The following SLCO3A1 variants were observed in gnomAD, a reference collection of about 807,000 sequenced individuals.
SLCO3A1 encodes the protein PGE1 transporter.
SLCO3A1 carries 27 observed loss-of-function variants against 63.1 expected under a neutral mutation model. The observed-to-expected ratio is 0.43, with a 90% CI of 0.32 to 0.59. The LOEUF is 0.59. SLCO3A1 is among the 20% of genes least tolerant of loss of function. The pLI is 0.09. For missense variants in SLCO3A1, 773 were observed against 945.8 expected, an observed-to-expected ratio of 0.82 and a Z score of 2.40; for synonymous variants, 473 against 409.9, an observed-to-expected ratio of 1.15 and a Z score of -1.86.
intron 2 of SLCO3A1, among the ~76,000 whole-genome samples, chr15:92,014,246 C>A (rs1054009378): frequency 5.9e-5 from 9 of 152,120 alleles, no homozygotes; most frequent in Non-Finnish European, 2.9e-5. Flanking sequence ...GTTCACTGGG[C>A]CACGGGGGCA....
At chr15:91,943,590 G>A (rs1899697167) in intron 2 of SLCO3A1, among the ~76,000 whole-genome samples, 1 of 152,098 alleles carries the variant, frequency 6.6e-6, no homozygotes, top group Non-Finnish European at 1.5e-5. Flanking sequence ...TAATTCTCTT[G>A]CTTACACCCA....
At chr15:92,032,217 A>C (rs2046658789) in intron 2 of SLCO3A1, among the ~76,000 whole-genome samples, 1 of 152,208 alleles carries the variant, frequency 6.6e-6, no homozygotes, top group Admixed American at 6.5e-5. Flanking sequence ...GTATTTTCTC[A>C]AGCCCAGAGG....
chr15:92,052,160 T>C (rs1252069933), intron 2 of SLCO3A1, among the ~76,000 whole-genome samples: 2 of 152,086 alleles, frequency 1.3e-5, no homozygotes, highest in African/African-American at 4.8e-5. Context: ...CTTGTGTGGT[T>C]GGTCTGGGGC....
chr15:91,959,912 A>G (rs984867366), intron 2 of SLCO3A1, among the ~76,000 whole-genome samples: 2 of 152,058 alleles, frequency 1.3e-5, no homozygotes, highest in Non-Finnish European at 2.9e-5. Flanking sequence ...GCCAAACACT[A>G]ATTTACTTTC....
rs988331846 is a variant in SLCO3A1 at position 91,948,721 on chromosome 15, A to G, written c.646+32263A>G. Reference sequence around the variant, plus strand: ...GTCCAAGGAATAGGAGAGCCATGGCACAGGAAGTGGAAAGTCAGTCTGGGA... The same window carrying G: ...GTCCAAGGAATAGGAGAGCCATGGCGCAGGAAGTGGAAAGTCAGTCTGGGA... On this transcript the variant is annotated intron_variant, in intron 2 of 9. Coordinates refer to ENST00000318445, the MANE Select transcript of SLCO3A1 (RefSeq NM_013272.4). The surrounding 1 kb of genome is among the most constrained non-coding windows in gnomAD (Gnocchi z 4.8). 1.4e-4 allele frequency among the ~76,000 whole-genome samples: 21 copies of G among 152,162 alleles called. No homozygotes were observed. The highest frequency in any genetic ancestry group is 4.3e-4 in the African/African-American group (18 of 41,448).
chr15:92,069,398 G>A (rs2047190150), intron 2 of SLCO3A1, among the ~76,000 whole-genome samples: 1 of 152,168 alleles, frequency 6.6e-6, no homozygotes. Flanking sequence ...TTATGTACAG[G>A]GGCCAAGACT....
At chr15:92,124,642 C>G (rs2047900437) in intron 5 of SLCO3A1, among the ~76,000 whole-genome samples, 1 of 149,138 alleles carries the variant, frequency 6.7e-6, no homozygotes, top group Admixed American at 6.7e-5. Context: ...TGTATCCTAG[C>G]AGAGAGAGAG....
chr15:91,858,746 G>T (rs1896983413), intron 1 of SLCO3A1, among the ~76,000 whole-genome samples: 1 of 152,228 alleles, frequency 6.6e-6, no homozygotes, highest in African/African-American at 2.4e-5. Context: ...GAAGTCATTG[G>T]TGAACTGCTG....
chr15:92,145,014 G>T (rs557466849), intron 7 of SLCO3A1, among the ~76,000 whole-genome samples: 2 of 152,322 alleles, frequency 1.3e-5, no homozygotes, highest in Non-Finnish European at 2.9e-5. Context: ...AAGATGGAAA[G>T]CGAGTGACCA....
chr15:91,958,569 G>A (rs1271845298), intron 2 of SLCO3A1, among the ~76,000 whole-genome samples: 3 of 152,204 alleles, frequency 2.0e-5, no homozygotes, highest in African/African-American at 7.2e-5. Flanking sequence ...AGGAATGGAG[G>A]TTTGGGTGCT....
intron 5 of SLCO3A1, among the ~76,000 whole-genome samples, chr15:92,121,792 G>A (rs2047865725): frequency 6.6e-6 from 1 of 152,234 alleles, no homozygotes. Flanking sequence ...GATCATGGAA[G>A]TCAAGGGTGA....
At chr15:92,094,834 G>C (rs774235590) in intron 2 of SLCO3A1, 47 bp from the exon 3 acceptor site, 1 of 1,261,422 alleles carries the variant, frequency 7.9e-7, no homozygotes, top group Non-Finnish European at 1.2e-6. Flanking sequence ...TTTGCTCATC[G>C]AATAGCTTCT....
intron 4 of SLCO3A1, among the ~76,000 whole-genome samples, chr15:92,107,568 G>A (rs2047680887): frequency 6.6e-6 from 1 of 152,204 alleles, no homozygotes; most frequent in Non-Finnish European, 1.5e-5. Context: ...AAGCTGAACG[G>A]CGTTGCATGT....
At chr15:91,871,144 TG>T (rs1463834062) in intron 1 of SLCO3A1, among the ~76,000 whole-genome samples, 1 of 152,232 alleles carries the variant, frequency 6.6e-6, no homozygotes, top group Non-Finnish European at 1.5e-5. Context: ...TTTATTTATT[TG>T]AAGGCTATCT....
At chr15:92,089,487 C>G (rs1163631094) in intron 2 of SLCO3A1, among the ~76,000 whole-genome samples, 1 of 152,230 alleles carries the variant, frequency 6.6e-6, no homozygotes, top group Admixed American at 6.5e-5. Context: ...ATTCTTCAAA[C>G]TCCACAAGGG....
At chr15:92,010,493 A>G (rs1567064864) in intron 2 of SLCO3A1, among the ~76,000 whole-genome samples, 1 of 152,200 alleles carries the variant, frequency 6.6e-6, no homozygotes, top group Non-Finnish European at 1.5e-5. Flanking sequence ...ATTAGAACCC[A>G]TCAATCAATG....
intron 9 of SLCO3A1, among the ~76,000 whole-genome samples, chr15:92,154,626 G>A (rs2048348912): frequency 6.6e-6 from 1 of 152,140 alleles, no homozygotes; most frequent in African/African-American, 2.4e-5. Context: ...GAAGAGGGCA[G>A]GAGCTAGAAA....
At chr15:91,962,921 C>T (rs185021549) in intron 2 of SLCO3A1, among the ~76,000 whole-genome samples, 1 of 151,896 alleles carries the variant, frequency 6.6e-6, no homozygotes, top group East Asian at 1.9e-4. Context: ...TATATACTTT[C>T]TAAGCTGTAT....
intron 4 of SLCO3A1, among the ~76,000 whole-genome samples, chr15:92,116,835 G>T (rs1257288352): frequency 6.6e-6 from 1 of 152,146 alleles, no homozygotes; most frequent in Non-Finnish European, 1.5e-5. Flanking sequence ...AACTTGGAAG[G>T]AAATAGCGAA....
Sources: gnomAD v4.1 joint callset for allele counts (sites outside exome capture counted in the v4.1 genomes callset) on GRCh38, gnomAD v4.1.1 for gene constraint, Gnocchi (gnomAD v3.1) non-coding constraint, MANE v1.5 for transcripts, NCBI Gene and HGNC (gene_info 2026-07-23, HGNC 2026-07-21) for gene names.